KDM2B: variants seen among roughly 807,000 people sequenced by gnomAD.
KDM2B encodes lysine demethylase 2B.
KDM2B carries 26 observed loss-of-function variants against 150.0 expected under a neutral mutation model. The observed-to-expected ratio is 0.17, with a 90% CI of 0.13 to 0.24. The LOEUF (loss-of-function observed/expected upper bound fraction) is 0.24, where lower values mean the gene tolerates loss of function less well. Among genes scored for constraint, KDM2B ranks in the 10% least tolerant of loss-of-function variants. The pLI is 1.00. For missense variants in KDM2B, 1,265 were observed against 1,816.9 expected, an observed-to-expected ratio of 0.70 and a Z score of 5.52; for synonymous variants, 734 against 729.5, an observed-to-expected ratio of 1.01 and a Z score of -0.10.
At chr12:121,431,528 T>C (rs2137423305) in intron 22 of KDM2B, among the ~76,000 whole-genome samples, 1 of 152,204 alleles carries the variant, frequency 6.6e-6, no homozygotes, top group African/African-American at 2.4e-5. Flanking sequence ...TGAGTGGGAA[T>C]AAAAATACGA....
intron 1 of KDM2B, chr12:121,579,941 A>AT (rs1321930616): frequency 1.3e-5 from 19 of 1,475,246 alleles, no homozygotes; most frequent in Non-Finnish European, 1.6e-5. Context: ...GCGAGAAACA[A>AT]CCAAAAAAAA....
chr12:121,546,502 C>G (rs1889060364), intron 6 of KDM2B, among the ~76,000 whole-genome samples: 1 of 149,334 alleles, frequency 6.7e-6, no homozygotes, highest in East Asian at 2.0e-4. Flanking sequence ...CCTGCCTCAG[C>G]CTCCCGAGTA....
At chr12:121,534,297 C>T (rs1212064694) in intron 7 of KDM2B, among the ~76,000 whole-genome samples, 200 bp downstream of exon 7, 2 of 150,006 alleles carry the variant, frequency 1.3e-5, no homozygotes, top group Admixed American at 1.3e-4. Context: ...TGCAGTGAGC[C>T]GAGATTGCAC....
chr12:121,477,480 C>G (rs1881510523), intron 12 of KDM2B, among the ~76,000 whole-genome samples: 1 of 152,058 alleles, frequency 6.6e-6, no homozygotes, highest in African/African-American at 2.4e-5. Context: ...AACTCCTGAG[C>G]TCAAGGGATC....
chr12:121,507,100 A>G (rs1283381064), intron 11 of KDM2B, among the ~76,000 whole-genome samples: 4 of 140,194 alleles, frequency 2.9e-5, no homozygotes, highest in Admixed American at 2.1e-4. Context: ...CTGTCTCAAG[A>G]AAAAAAAAAA....
Position 121,451,591 on chromosome 12 carries a change from C to T in KDM2B, c.1959+1529G>A, listed in dbSNP as rs138120496. 9.7e-4 allele frequency among the ~76,000 whole-genome samples: 147 copies of T among 152,264 alleles called. 1 individual carries two copies. The highest frequency in any genetic ancestry group is 4.4e-3 in the East Asian group (23 of 5,186). On this transcript the variant is annotated intron_variant, in intron 13 of 22. Transcript: ENST00000377071. ...CAACAGGCAAGAGGTGAAAGCAATC[C>T]ATATGTCCATCAACAGATGAATGGA...
At chr12:121,457,563 C>A (rs1487102290) in intron 12 of KDM2B, among the ~76,000 whole-genome samples, 2 of 151,994 alleles carry the variant, frequency 1.3e-5, no homozygotes, top group African/African-American at 4.8e-5. Flanking sequence ...TGCCTGGCCT[C>A]AAACACCAAT....
intron 4 of KDM2B, among the ~76,000 whole-genome samples, chr12:121,557,266 C>G (rs1295651609): frequency 7.6e-6 from 1 of 131,490 alleles, no homozygotes; most frequent in African/African-American, 2.9e-5. Context: ...GAGACAGAGT[C>G]TCACTCTGTT....
chr12:121,573,741 C>T (rs975963077), intron 4 of KDM2B, among the ~76,000 whole-genome samples: 1 of 152,174 alleles, frequency 6.6e-6, no homozygotes, highest in Non-Finnish European at 1.5e-5. Context: ...GCGCCCGCCA[C>T]CACGCCTGGC....
At chr12:121,534,758 G>C in intron 6 of KDM2B, 168 bp from the exon 7 acceptor site, 4 of 583,368 alleles carry the variant, frequency 6.9e-6, no homozygotes, top group Non-Finnish European at 9.1e-6. Flanking sequence ...TTCCCCACGG[G>C]GGAAGCCCCT....
rs782337175 is a variant in KDM2B at position 121,575,907 on chromosome 12, C to G, written c.272-48G>C. Reference sequence around the variant, plus strand: ...ACAAGTTGGTTAAGTCACGAAGGAGCAAATGAACCGGGATCTGTTGGTTAG... The same window carrying G: ...ACAAGTTGGTTAAGTCACGAAGGAGGAAATGAACCGGGATCTGTTGGTTAG... On this transcript the variant is annotated intron_variant, in intron 2 of 22. Coordinates refer to ENST00000377071, the MANE Select transcript of KDM2B (RefSeq NM_032590.5). This position sits in a 1 kb window ranked among gnomAD's most constrained non-coding sequence, Gnocchi z 4.4. The G allele has an allele frequency of 1.4e-6, 2 of 1,411,554 alleles. No individual in the cohort carries two copies. Among genetic ancestry groups the G allele is most frequent in the Non-Finnish European group, 2.0e-6 (2 of 996,090 alleles). The allele number at this position is 1,411,554 out of a possible 1,614,324, so 87.4% of individuals were successfully genotyped here.
intron 21 of KDM2B, chr12:121,440,471 G>A: frequency 5.3e-6 from 2 of 380,472 alleles, no homozygotes; most frequent in South Asian, 3.1e-5. Flanking sequence ...TGGCAGTGGA[G>A]GCTTGAAACC....
At position 121,537,888 on chromosome 12, in the gene KDM2B, C is replaced by A. The variant is rs1340859151; in HGVS notation, c.684-3298G>T. On this transcript the variant is annotated intron_variant, in intron 6 of 22. Coordinates refer to ENST00000377071, the MANE Select transcript of KDM2B (RefSeq NM_032590.5). The surrounding 1 kb of genome is among the most constrained non-coding windows in gnomAD (Gnocchi z 8.7). ...CGCAGCGCCACAAAGGAGGGGGCGC[C>A]CGGGCAGCGCGGCCCGCGGTTACCC... Among the ~76,000 whole-genome samples, 2 of 151,446 alleles carry A rather than the reference C, an allele frequency of 1.3e-5. No homozygotes were observed. Among genetic ancestry groups the A allele is most frequent in the Non-Finnish European group, 2.9e-5 (2 of 67,810 alleles).
At chr12:121,555,518 G>T (rs1019272049) in intron 4 of KDM2B, among the ~76,000 whole-genome samples, 3 of 152,100 alleles carry the variant, frequency 2.0e-5, no homozygotes, top group Non-Finnish European at 4.4e-5. Context: ...GATTACAGGC[G>T]TGGGCCACCA....
chr12:121,513,914 G>C lies in KDM2B; in HGVS notation c.1048-512C>G, dbSNP rs1007532705. Among the ~76,000 whole-genome samples, 2 of 152,064 alleles carry C rather than the reference G, an allele frequency of 1.3e-5. No individual in the cohort carries two copies. Among genetic ancestry groups the C allele is most frequent in the Admixed American group, 6.6e-5 (1 of 15,258 alleles). On this transcript the variant is annotated intron_variant, in intron 9 of 22. Coordinates refer to ENST00000377071, the MANE Select transcript of KDM2B (RefSeq NM_032590.5). The surrounding 1 kb of genome is among the most constrained non-coding windows in gnomAD (Gnocchi z 5.0). ...CCTCCTCCTGTTTGTTGGGAGGGAG[G>C]CCAGGCCAGCGGACCAATAAGAGTG...
intron 12 of KDM2B, among the ~76,000 whole-genome samples, chr12:121,463,143 C>A (rs982292596): frequency 6.6e-6 from 1 of 151,986 alleles, no homozygotes; most frequent in Non-Finnish European, 1.5e-5. Context: ...GGTGAAACCC[C>A]GTCTCTACTA....
chr12:121,496,622 G>A (rs1883970400), intron 11 of KDM2B, among the ~76,000 whole-genome samples: 1 of 151,194 alleles, frequency 6.6e-6, no homozygotes. Context: ...AGCCTCCTCA[G>A]TAGCCGGGAC....
the KDM2B span, among the ~76,000 whole-genome samples, chr12:121,414,654 TAAAA>T: frequency 6.6e-6 from 1 of 152,144 alleles, no homozygotes; most frequent in Non-Finnish European, 1.5e-5. Flanking sequence ...AAAGGTAAAA[TAAAA>T]AAATACTTTC....
intron 11 of KDM2B, 96 bp downstream of exon 11, chr12:121,509,471 C>A (rs1179076656): frequency 6.5e-7 from 1 of 1,533,862 alleles, no homozygotes; most frequent in Non-Finnish European, 8.7e-7. Flanking sequence ...GAGCAATCTG[C>A]ACAGAGCCAT....
Sources: gnomAD v4.1 joint callset for allele counts (sites outside exome capture counted in the v4.1 genomes callset) on GRCh38, gnomAD v4.1.1 for gene constraint, Gnocchi (gnomAD v3.1) non-coding constraint, MANE v1.5 for transcripts, NCBI Gene and HGNC (gene_info 2026-07-23, HGNC 2026-07-21) for gene names.